MTF1: variants seen among roughly 807,000 people sequenced by gnomAD.
MTF1 encodes the protein MRE-binding transcription factor.
MTF1 carries 22 observed loss-of-function variants against 70.4 expected under a neutral mutation model. That is an observed-to-expected ratio of 0.31 (90% CI 0.22 to 0.45). MTF1 has a LOEUF of 0.45. Ranked by LOEUF, MTF1 falls within the 20% of genes least tolerant of loss-of-function variation. The pLI is 1.00. For missense variants in MTF1, 649 were observed against 922.0 expected, an observed-to-expected ratio of 0.70 and a Z score of 3.83; for synonymous variants, 333 against 352.8, an observed-to-expected ratio of 0.94 and a Z score of 0.63.
chr1:37,846,662 G>A (rs1161840211), intron 2 of MTF1, among the ~76,000 whole-genome samples: 1 of 152,010 alleles, frequency 6.6e-6, no homozygotes, highest in Admixed American at 6.6e-5. Context: ...TAAGATAACA[G>A]AATCAGAGAA....
At chr1:37,826,150 C>G (rs1470544671) in intron 7 of MTF1, among the ~76,000 whole-genome samples, 3 of 152,228 alleles carry the variant, frequency 2.0e-5, no homozygotes, top group Non-Finnish European at 2.9e-5. Context: ...TTTGTAACAA[C>G]TCTGCTTCTA....
At chr1:37,835,580 C>A in intron 5 of MTF1, 91 bp downstream of exon 5, 1 of 953,158 alleles carries the variant, frequency 1.0e-6, no homozygotes, top group Non-Finnish European at 1.7e-6. Flanking sequence ...TATACAGGAT[C>A]TATATCTCTG....
At chr1:37,853,584 A>T (rs992182818) in intron 2 of MTF1, among the ~76,000 whole-genome samples, 48 of 152,226 alleles carry the variant, frequency 3.2e-4, no homozygotes, top group African/African-American at 1.2e-3. Flanking sequence ...GTAACAGGAC[A>T]ACTGGCTATT....
intron 2 of MTF1, among the ~76,000 whole-genome samples, chr1:37,844,125 A>G (rs17732614): frequency 0.096 from 14,562 of 152,288 alleles, 871 homozygotes; most frequent in Middle Eastern, 0.24. Context: ...CTCAAATGAT[A>G]AAGTCCCAAT....
At chr1:37,850,876 G>C (rs1641408558) in intron 2 of MTF1, among the ~76,000 whole-genome samples, 1 of 151,990 alleles carries the variant, frequency 6.6e-6, no homozygotes, top group South Asian at 2.1e-4. Context: ...AAGCCAAGAA[G>C]ACCAACTAGT....
At position 37,811,763 on chromosome 1, in the gene MTF1, C is replaced by T. The variant is rs1640740871; in HGVS notation, c.*3373G>A. The T allele has an allele frequency of 6.6e-6, 1 of 152,216 alleles. No homozygotes were observed. The highest frequency in any genetic ancestry group is 1.5e-5 in the Non-Finnish European group (1 of 68,028). 9.4% of individuals were successfully genotyped at this position (152,216 alleles called of 1,614,324 possible). ...AAGAAGAGAAGCCCCTTGCCTTTTACTCAGAGAGATCTTCACATCTTAAGG... is the reference window on the plus strand; with the variant it reads ...AAGAAGAGAAGCCCCTTGCCTTTTATTCAGAGAGATCTTCACATCTTAAGG... On this transcript the variant is annotated 3_prime_UTR_variant, in exon 11 of 11. Coordinates refer to ENST00000373036, the MANE Select transcript of MTF1 (RefSeq NM_005955.3).
intron 2 of MTF1, among the ~76,000 whole-genome samples, chr1:37,842,572 T>G (rs537397047): frequency 6.6e-6 from 1 of 152,372 alleles, no homozygotes; most frequent in Non-Finnish European, 1.5e-5. Flanking sequence ...TTCTCTGAGA[T>G]ACTTCTTTCC....
rs534357571 is a variant in MTF1 at position 37,815,426 on chromosome 1, G to C, written c.1972C>G (p.Pro658Ala). ...SRRKGCSSPPPPEPSPQAPDG... is the reference protein window; with the variant it reads ...SRRKGCSSPPAPEPSPQAPDG... ...GGAGCCTGGGGGCTCGGCTCTGGAG[G>C]GGGTGGGGAGGAGCAGCCCTTTCTC... is the stretch of plus-strand genomic sequence containing the variant. The change falls in exon 11 of 11, where the codon CCT becomes GCT. Residue 658 changes from proline (P) to alanine (A), a missense_variant. Pro to Ala is a conservative substitution (Grantham distance 27, BLOSUM62 -1). This residue lies in a region of MTF1 where 138 missense variants were observed against 134.4 expected (regional missense o/e 1.03). Coordinates refer to ENST00000373036, the MANE Select transcript of MTF1 (RefSeq NM_005955.3). The surrounding 1 kb of genome is among the most constrained non-coding windows in gnomAD (Gnocchi z 4.5). 1.3e-4 allele frequency: 207 copies of C among 1,612,750 alleles called. 2 individuals are homozygous for C. The highest frequency in any genetic ancestry group is 1.2e-3 in the South Asian group (109 of 91,036).
chr1:37,840,835 C>G lies in MTF1; in HGVS notation c.409-677G>C, dbSNP rs1641243990. Reference sequence around the variant, plus strand: ...GACAAATATCAAATGGCAGATGACTCTAGTGCAGTGGAGGGCCTGGAATGG... The same window carrying G: ...GACAAATATCAAATGGCAGATGACTGTAGTGCAGTGGAGGGCCTGGAATGG... On this transcript the variant is annotated intron_variant, in intron 2 of 10. Transcript: ENST00000373036. This position sits in a 1 kb window ranked among gnomAD's most constrained non-coding sequence, Gnocchi z 4.5. Among the ~76,000 whole-genome samples the G allele has an allele frequency of 6.6e-6, 1 of 151,790 alleles. No individual in the cohort carries two copies.
intron 2 of MTF1, among the ~76,000 whole-genome samples, chr1:37,851,359 A>T (rs187071878): frequency 4.6e-5 from 7 of 152,364 alleles, no homozygotes; most frequent in Non-Finnish European, 1.0e-4. Flanking sequence ...ATTCAATATG[A>T]TTATCAATGA....
intron 6 of MTF1, 46 bp downstream of exon 6, chr1:37,835,033 T>TGATTG (rs776394858): frequency 1.1e-5 from 17 of 1,598,580 alleles, no homozygotes; most frequent in Non-Finnish European, 1.5e-5. Context: ...CAAACAACTG[T>TGATTG]TGAAGTTCTA....
intron 6 of MTF1, among the ~76,000 whole-genome samples, chr1:37,833,642 G>C (rs1274978612): frequency 6.6e-6 from 1 of 152,150 alleles, no homozygotes; most frequent in African/African-American, 2.4e-5. Flanking sequence ...CGTTCTAGCA[G>C]AGAGGACAAA....
At chr1:37,836,018 T>A (rs1641164159) in intron 4 of MTF1, among the ~76,000 whole-genome samples, 1 of 152,130 alleles carries the variant, frequency 6.6e-6, no homozygotes, top group African/African-American at 2.4e-5. Flanking sequence ...GCCAGGATGG[T>A]CTCGATCTCC....
intron 7 of MTF1, among the ~76,000 whole-genome samples, 178 bp downstream of exon 7, chr1:37,832,067 G>C (rs1641095132): frequency 6.6e-6 from 1 of 152,228 alleles, no homozygotes; most frequent in Non-Finnish European, 1.5e-5. Flanking sequence ...TCAGGCATCA[G>C]AGAGAACAGG....
At chr1:37,829,888 G>A (rs1464008067) in intron 7 of MTF1, among the ~76,000 whole-genome samples, 1 of 152,092 alleles carries the variant, frequency 6.6e-6, no homozygotes, top group Non-Finnish European at 1.5e-5. Flanking sequence ...ATAAACACTG[G>A]GTACCAGGAG....
At chr1:37,835,565 G>T in intron 5 of MTF1, 106 bp downstream of exon 5, 1 of 844,102 alleles carries the variant, frequency 1.2e-6, no homozygotes, top group Non-Finnish European at 1.9e-6. Context: ...ATGCTCACCT[G>T]AATATATACA....
In MTF1 at chr1:37,809,904, C is replaced by A. The variant is rs988800975; in HGVS notation, c.*5232G>T. The A allele has an allele frequency of 6.6e-6, 1 of 152,534 alleles. No individual in the cohort carries two copies. The highest frequency in any genetic ancestry group is 1.5e-5 in the Non-Finnish European group (1 of 68,034). 9.4% of individuals were successfully genotyped at this position (152,534 alleles called of 1,614,324 possible). A position where few individuals can be genotyped will look rare whatever the true frequency, so the allele number is the denominator to read the frequency against. Reference sequence around the variant, plus strand: ...GGGATTTTAAAAGTTGTCACCAAGACCCCGGCCAATGATTAGTGTATGTCA... The same window carrying A: ...GGGATTTTAAAAGTTGTCACCAAGAACCCGGCCAATGATTAGTGTATGTCA... On this transcript the variant is annotated 3_prime_UTR_variant, in exon 11 of 11. Coordinates refer to ENST00000373036, the MANE Select transcript of MTF1 (RefSeq NM_005955.3).
intron 2 of MTF1, among the ~76,000 whole-genome samples, chr1:37,847,777 C>A (rs1459119938): frequency 6.6e-6 from 1 of 152,144 alleles, no homozygotes; most frequent in Non-Finnish European, 1.5e-5. Context: ...GGGAGGCTCA[C>A]TTGAGCCCAG....
chr1:37,840,916 G>A lies in MTF1; in HGVS notation c.409-758C>T. 4.3e-6 allele frequency: 1 copy of A among 230,016 alleles called. No individual in the cohort carries two copies. Among genetic ancestry groups the A allele is most frequent in the South Asian group, 5.0e-5 (1 of 20,150 alleles). The allele number at this position is 230,016 out of a possible 1,614,324, so 14.2% of individuals were successfully genotyped here. A position where few individuals can be genotyped will look rare whatever the true frequency, so the allele number is the denominator to read the frequency against. On this transcript the variant is annotated intron_variant, in intron 2 of 10. Coordinates refer to ENST00000373036, the MANE Select transcript of MTF1 (RefSeq NM_005955.3). This position sits in a 1 kb window ranked among gnomAD's most constrained non-coding sequence, Gnocchi z 4.5. Reference sequence around the variant, plus strand: ...CAGGGATATTGGGGCCAGGGTCATGGCTGTGGTTGGCCTGGAGCCAGGGCT... The same window carrying A: ...CAGGGATATTGGGGCCAGGGTCATGACTGTGGTTGGCCTGGAGCCAGGGCT...
Sources: gnomAD v4.1 joint callset for allele counts (sites outside exome capture counted in the v4.1 genomes callset) on GRCh38, gnomAD v4.1.1 for gene constraint, gnomAD v4.1.1 regional missense constraint, Gnocchi (gnomAD v3.1) non-coding constraint, MANE v1.5 for transcripts, NCBI Gene and HGNC (gene_info 2026-07-23, HGNC 2026-07-21) for gene names.